The following ASAP2 variants were observed in gnomAD, a reference collection of about 807,000 sequenced individuals.
ASAP2 encodes the protein arf-GAP with SH3 domain, ANK repeat and PH domain-containing protein 2.
A neutral mutation model predicts 131.4 loss-of-function variants in ASAP2; 45 were observed. That is an observed-to-expected ratio of 0.34 (90% CI 0.27 to 0.44). The LOEUF (loss-of-function observed/expected upper bound fraction) is 0.44. Among genes scored for constraint, ASAP2 ranks in the 20% least tolerant of loss-of-function variants. ASAP2 has a pLI of 1.00. For missense variants in ASAP2, 1,011 were observed against 1,297.0 expected (o/e 0.78, Z 3.39); for synonymous variants, 510 against 503.0 (o/e 1.01, Z -0.19).
At chr2:9,274,979 G>C (rs905532971) in intron 1 of ASAP2, among the ~76,000 whole-genome samples, 6 of 151,954 alleles carry the variant, frequency 3.9e-5, no homozygotes, top group African/African-American at 1.2e-4. Context: ...GAGGAAATTT[G>C]TCAGAGTTCA....
intron 14 of ASAP2, among the ~76,000 whole-genome samples, chr2:9,358,210 A>G (rs897272340): frequency 6.6e-6 from 1 of 152,222 alleles, no homozygotes; most frequent in African/African-American, 2.4e-5. Context: ...ATTTGATACA[A>G]AAGTGCTCTG....
chr2:9,328,248 T>C (rs1251996448), intron 7 of ASAP2, among the ~76,000 whole-genome samples: 1 of 152,178 alleles, frequency 6.6e-6, no homozygotes, highest in East Asian at 1.9e-4. Context: ...TTGTGGGATA[T>C]TGAAAATATT....
Position 9,207,274 on chromosome 2 carries a change from C to CCT in ASAP2, c.126+45_126+46insTC. 1 of 1,477,316 alleles carries CCT rather than the reference C, an allele frequency of 6.8e-7. No homozygotes were observed. The highest frequency in any genetic ancestry group is 8.9e-7 in the Non-Finnish European group (1 of 1,118,830). The allele number at this position is 1,477,316 out of a possible 1,614,324, so 91.5% of individuals were successfully genotyped here. ...CGGCTCCGGCCGCAGGTATCCCGCG[C>CCT]CCCAGCCCCGCCCGCCGCTCCCGCA... On this transcript the variant is annotated intron_variant, in intron 1 of 27. Coordinates refer to ENST00000281419, the MANE Select transcript of ASAP2 (RefSeq NM_003887.3). The surrounding 1 kb of genome is among the most constrained non-coding windows in gnomAD (Gnocchi z 4.1).
intron 1 of ASAP2, among the ~76,000 whole-genome samples, chr2:9,257,152 T>C (rs1315695759): frequency 6.6e-6 from 1 of 152,224 alleles, no homozygotes; most frequent in African/African-American, 2.4e-5. Flanking sequence ...TTTACACGTG[T>C]CGGGCATTCC....
chr2:9,341,269 G>T (rs535796195), intron 9 of ASAP2, among the ~76,000 whole-genome samples: 3 of 152,144 alleles, frequency 2.0e-5, no homozygotes, highest in African/African-American at 7.2e-5. Flanking sequence ...CTATTGTTAC[G>T]GGGTCGCCTG....
intron 1 of ASAP2, among the ~76,000 whole-genome samples, chr2:9,263,057 A>G (rs1217442417): frequency 2.3e-4 from 35 of 152,010 alleles, no homozygotes; most frequent in Non-Finnish European, 4.9e-4. Context: ...TCACCTTCCC[A>G]GACTCTGAGC....
At chr2:9,366,843 T>C (rs1483412988) in intron 15 of ASAP2, among the ~76,000 whole-genome samples, 1 of 152,142 alleles carries the variant, frequency 6.6e-6, no homozygotes, top group Non-Finnish European at 1.5e-5. Context: ...AAATTGCGTC[T>C]GCATCCTCCA....
rs1287553424 is a variant in ASAP2 at position 9,232,229 on chromosome 2, T to C, written c.126+24999T>C. Among the ~76,000 whole-genome samples, 1 of 151,916 alleles carries C rather than the reference T, an allele frequency of 6.6e-6. No homozygotes were observed. Among genetic ancestry groups the C allele is most frequent in the Admixed American group, 6.6e-5 (1 of 15,264 alleles). On this transcript the variant is annotated intron_variant, in intron 1 of 27. Transcript: ENST00000281419. The surrounding 1 kb of genome is among the most constrained non-coding windows in gnomAD (Gnocchi z 4.1). ...CCTCCCACCCCATCTCATCCATGCC[T>C]GTCCTCTGTGTCAACACGCCTCACT...
chr2:9,369,636 G>A (rs1013380714), intron 16 of ASAP2, among the ~76,000 whole-genome samples: 2 of 152,172 alleles, frequency 1.3e-5, no homozygotes, highest in African/African-American at 4.8e-5. Flanking sequence ...CTGGGTCAGC[G>A]TGTCCTGGCA....
At chr2:9,342,906 C>T (rs575808213) in intron 9 of ASAP2, among the ~76,000 whole-genome samples, 1 of 152,354 alleles carries the variant, frequency 6.6e-6, no homozygotes, top group South Asian at 2.1e-4. Context: ...GATTCTGTGC[C>T]AGTTCTTGCC....
chr2:9,238,877 A>C (rs368377027), intron 1 of ASAP2, among the ~76,000 whole-genome samples: 5 of 152,186 alleles, frequency 3.3e-5, no homozygotes, highest in African/African-American at 1.2e-4. Context: ...ATTTCTACAT[A>C]GATGATTTTG....
At chr2:9,349,070 C>G (rs1672165418) in intron 11 of ASAP2, among the ~76,000 whole-genome samples, 1 of 152,124 alleles carries the variant, frequency 6.6e-6, no homozygotes, top group Non-Finnish European at 1.5e-5. Context: ...GGTGTAGTTC[C>G]TACCTCAAAG....
chr2:9,378,908 A>G (rs372164164), intron 18 of ASAP2, 36 bp from the exon 19 acceptor site: 1 of 1,362,838 alleles, frequency 7.3e-7, no homozygotes, highest in Non-Finnish European at 9.6e-7. Flanking sequence ...AGCCTGTGAC[A>G]CACTATGCTC....
At chr2:9,283,783 C>T (rs1029088537) in intron 2 of ASAP2, among the ~76,000 whole-genome samples, 61 of 152,342 alleles carry the variant, frequency 4.0e-4, no homozygotes, top group Admixed American at 1.3e-3. Flanking sequence ...AGACAGCTGC[C>T]TTCTCCCTGT....
At chr2:9,342,297 T>C (rs1671640313) in intron 9 of ASAP2, among the ~76,000 whole-genome samples, 1 of 152,236 alleles carries the variant, frequency 6.6e-6, no homozygotes, top group South Asian at 2.1e-4. Context: ...GACAGTGTGG[T>C]ACTGGCATAA....
intron 1 of ASAP2, among the ~76,000 whole-genome samples, chr2:9,263,708 G>A (rs946623896): frequency 2.0e-5 from 3 of 152,088 alleles, no homozygotes; most frequent in South Asian, 2.1e-4. Flanking sequence ...TTCATGCGTC[G>A]TTTTTTCATA....
intron 9 of ASAP2, among the ~76,000 whole-genome samples, chr2:9,341,522 A>G (rs191135025): frequency 2.0e-5 from 3 of 152,204 alleles, no homozygotes; most frequent in East Asian, 3.9e-4. Context: ...AGACCTGAAA[A>G]TCGCTCTGAT....
intron 17 of ASAP2, 35 bp downstream of exon 17, chr2:9,374,979 A>T: frequency 6.5e-7 from 1 of 1,542,278 alleles, no homozygotes; most frequent in Non-Finnish European, 8.7e-7. Context: ...TTAAAAAAAA[A>T]AAAAAGGCCG....
intron 21 of ASAP2, among the ~76,000 whole-genome samples, chr2:9,387,077 G>T (rs9679129): frequency 3.6e-4 from 54 of 148,630 alleles, no homozygotes; most frequent in African/African-American, 9.6e-4. Context: ...TTGGTGGTGG[G>T]TGGGGGGGCG....
Sources: gnomAD v4.1 joint callset for allele counts (sites outside exome capture counted in the v4.1 genomes callset) on GRCh38, gnomAD v4.1.1 for gene constraint, Gnocchi (gnomAD v3.1) non-coding constraint, MANE v1.5 for transcripts, NCBI Gene and HGNC (gene_info 2026-07-23, HGNC 2026-07-21) for gene names.